The following RNF145 variants were observed in gnomAD, a reference collection of about 807,000 sequenced individuals.
RNF145 encodes ring finger protein 145.
In RNF145, 12 loss-of-function variants were observed where a neutral mutation model predicts 57.3. The ratio of observed to expected loss-of-function variants is 0.21; its 90% confidence interval spans 0.13 to 0.34. The LOEUF (loss-of-function observed/expected upper bound fraction) is 0.34, where lower values mean the gene tolerates loss of function less well. Among genes scored for constraint, RNF145 ranks in the 10% least tolerant of loss-of-function variants. The pLI is 1.00. For missense variants in RNF145, 429 were observed against 799.0 expected (o/e 0.54, Z 5.58); for synonymous variants, 262 against 288.3 (o/e 0.91, Z 0.92).
chr5:159,201,208 A>G (rs1785652641), intron 2 of RNF145, among the ~76,000 whole-genome samples: 1 of 152,200 alleles, frequency 6.6e-6, no homozygotes, highest in African/African-American at 2.4e-5. Context: ...TTCTGCATAC[A>G]TAGTTCCACA....
At chr5:159,204,393 G>A (rs183492794) in intron 1 of RNF145, among the ~76,000 whole-genome samples, 4 of 152,028 alleles carry the variant, frequency 2.6e-5, no homozygotes, top group Non-Finnish European at 5.9e-5. Context: ...TAGTGGGGGG[G>A]GGCAGGGGGA....
chr5:159,163,286 T>C (rs906034777), intron 8 of RNF145, among the ~76,000 whole-genome samples: 1 of 152,234 alleles, frequency 6.6e-6, no homozygotes, highest in Non-Finnish European at 1.5e-5. Context: ...AATTGCAAAG[T>C]ACAGCTGATT....
At chr5:159,209,844 C>A (rs751279149), upstream of RNF145, 11 of 1,535,888 alleles carry the variant, frequency 7.2e-6, no homozygotes, top group African/African-American at 1.5e-4. Context: ...CGCTCACACC[C>A]ACACTCACCT....
At chr5:159,190,407 C>G (rs1414483559) in intron 3 of RNF145, among the ~76,000 whole-genome samples, 1 of 151,974 alleles carries the variant, frequency 6.6e-6, no homozygotes, top group Non-Finnish European at 1.5e-5. Flanking sequence ...TACCTGGGGC[C>G]AGGCACAGTG....
At chr5:159,207,079 T>C (rs1381825897) in intron 1 of RNF145, among the ~76,000 whole-genome samples, 1 of 152,210 alleles carries the variant, frequency 6.6e-6, no homozygotes, top group Non-Finnish European at 1.5e-5. Context: ...CAGCAATCCG[T>C]AATTATGAAA....
At chr5:159,181,816 C>G (rs1368949317) in intron 4 of RNF145, 144 bp downstream of exon 4, 2 of 506,232 alleles carry the variant, frequency 4.0e-6, no homozygotes, top group Non-Finnish European at 7.2e-6. Flanking sequence ...AAAAAAACCA[C>G]CAAACAATGG....
At chr5:159,202,967 A>C (rs747966378) in intron 2 of RNF145, among the ~76,000 whole-genome samples, 1 of 151,864 alleles carries the variant, frequency 6.6e-6, no homozygotes, top group Admixed American at 6.6e-5. Flanking sequence ...TTTATGGAAC[A>C]AAGTATTATA....
At chr5:159,177,955 G>A (rs10076782) in intron 4 of RNF145, among the ~76,000 whole-genome samples, 61,628 of 151,816 alleles carry the variant, frequency 0.41, 14,982 homozygotes, top group African/African-American at 0.67. Context: ...GCTAGAATAC[G>A]TATCCTACTG....
chr5:159,191,729 T>C (rs1417533858), intron 3 of RNF145, among the ~76,000 whole-genome samples: 1 of 152,152 alleles, frequency 6.6e-6, no homozygotes, highest in Non-Finnish European at 1.5e-5. Flanking sequence ...GAGGCAGAGG[T>C]TGCAGTGAGC....
At chr5:159,194,892 A>C in intron 2 of RNF145, 68 bp from the exon 3 acceptor site, 2 of 1,091,786 alleles carry the variant, frequency 1.8e-6, no homozygotes, top group Non-Finnish European at 2.6e-6. Context: ...TAAAAGAAAG[A>C]GCTTGAGACA....
chr5:159,209,514 T>G lies in RNF145; in HGVS notation c.-323A>C. 2.2e-5 allele frequency: 2 copies of G among 92,112 alleles called. No individual in the cohort carries two copies. Among genetic ancestry groups the G allele is most frequent in the African/African-American group, 1.9e-4 (1 of 5,256 alleles). 5.7% of individuals were successfully genotyped at this position (92,112 alleles called of 1,614,324 possible). On this transcript the variant is annotated 5_prime_UTR_variant, in exon 1 of 11. An upstream start codon of the reference 5' UTR is lost. Transcript: ENST00000424310. ...CAGCCGGCGCCGGCGTCGGCGGCCATGGCCTCCTGCGTTTGCTCCTCCCGC... is the reference window on the plus strand; with the variant it reads ...CAGCCGGCGCCGGCGTCGGCGGCCAGGGCCTCCTGCGTTTGCTCCTCCCGC...
Position 159,159,034 on chromosome 5 carries a change from T to A in RNF145, c.1628A>T (p.Asp543Val). Residue 543 changes from aspartate (D) to valine (V), a missense_variant and splice_region_variant, in exon 11 of 11, where the codon GAC (aspartate) becomes GTC (valine). Coordinates refer to ENST00000424310, the MANE Select transcript of RNF145 (RefSeq NM_001199383.2). ...AGGCGTGATCACAGCAGATTTCATG[T>A]CCTAAAAGAGGGGGAAAAAAGATAC... is the stretch of plus-strand genomic sequence containing the variant. ...HNDICAICYQ[D>V]MKSAVITPCS... 6.2e-7 allele frequency: 1 copy of A among 1,607,030 alleles called. No individual in the cohort carries two copies. Among genetic ancestry groups the A allele is most frequent in the Non-Finnish European group, 8.5e-7 (1 of 1,175,562 alleles).
At chr5:159,191,461 T>C (rs1163129303) in intron 3 of RNF145, among the ~76,000 whole-genome samples, 1 of 152,170 alleles carries the variant, frequency 6.6e-6, no homozygotes, top group Non-Finnish European at 1.5e-5. Flanking sequence ...TGGGAAGTAT[T>C]TTTGCCTACT....
chr5:159,168,337 G>A (rs1294493406), intron 8 of RNF145, among the ~76,000 whole-genome samples: 1 of 152,098 alleles, frequency 6.6e-6, no homozygotes, highest in Non-Finnish European at 1.5e-5. Context: ...GGTCCTATAA[G>A]TTGTCAAGAA....
At chr5:159,185,446 TCC>T in intron 3 of RNF145, among the ~76,000 whole-genome samples, 1 of 152,164 alleles carries the variant, frequency 6.6e-6, no homozygotes, top group South Asian at 2.1e-4. Context: ...ATGCACAAAT[TCC>T]AGGTATCTCA....
Position 159,161,472 on chromosome 5 carries a change from C to T in RNF145, c.1420G>A (p.Val474Ile), listed in dbSNP as rs561122308. 224 of 1,614,100 alleles carry T rather than the reference C, an allele frequency of 1.4e-4. 3 individuals carry two copies. In the South Asian group the frequency reaches 2.2e-3, roughly 16 times the overall value. Residue 474 changes from valine to isoleucine, a missense_variant, in exon 10 of 11, where the codon GTC becomes ATC. This residue lies in a region of RNF145 where 216 missense variants were observed against 457.6 expected (regional missense o/e 0.47). Coordinates refer to ENST00000424310, the MANE Select transcript of RNF145 (RefSeq NM_001199383.2). ...CATTCTCCAAAGATGGTCTCTGAGA[C>T]GCCATAGGCCACCACACAGAGGGCC... ...LVALCVVAYG[V>I]SETIFGEWTV... is the part of the protein sequence containing the mutation.
chr5:159,179,712 G>A (rs759672948), intron 4 of RNF145, among the ~76,000 whole-genome samples: 16 of 152,042 alleles, frequency 1.1e-4, no homozygotes, highest in East Asian at 3.9e-4. Flanking sequence ...GAATGTTACC[G>A]TTAATAAATA....
At chr5:159,176,403 G>T (rs539126461) in intron 5 of RNF145, among the ~76,000 whole-genome samples, 1 of 152,042 alleles carries the variant, frequency 6.6e-6, no homozygotes, top group Non-Finnish European at 1.5e-5. Flanking sequence ...ATCAGGGTTC[G>T]ATCTCAGATA....
intron 10 of RNF145, among the ~76,000 whole-genome samples, chr5:159,160,890 G>A (rs1784193206): frequency 6.6e-6 from 1 of 152,132 alleles, no homozygotes; most frequent in South Asian, 2.1e-4. Flanking sequence ...ATACTAGAGG[G>A]AAAAGAGTCA....
Sources: allele counts gnomAD v4.1 joint callset (sites outside exome capture counted in the v4.1 genomes callset), GRCh38; gene constraint gnomAD v4.1.1; regional missense constraint gnomAD v4.1.1; transcripts MANE v1.5; gene names NCBI Gene and HGNC (gene_info 2026-07-23, HGNC 2026-07-21).